Variants in XPNPEP1 observed in about 807,000 individuals in gnomAD.
XPNPEP1 encodes xaa-Pro aminopeptidase 1.
XPNPEP1 carries 39 observed loss-of-function variants against 92.4 expected under a neutral mutation model. That is an observed-to-expected ratio of 0.42 (90% confidence interval 0.33 to 0.55). The LOEUF is 0.55. Ranked by LOEUF, XPNPEP1 falls within the 20% of genes least tolerant of loss-of-function variation. XPNPEP1 has a pLI of 0.08. For synonymous variants in XPNPEP1, 307 were observed against 299.4 expected (o/e 1.03, Z -0.26); for missense variants, 654 against 856.1 (o/e 0.76, Z 2.95).
At position 109,923,425 on chromosome 10, in the gene XPNPEP1, G is replaced by A. The variant is rs1219329807; in HGVS notation, c.9C>T (p.Ala3=). The A allele has an allele frequency of 4.2e-6, 6 of 1,442,992 alleles. No homozygotes were observed. The highest frequency in any genetic ancestry group is 1.5e-5 in the African/African-American group (1 of 67,386). 89.4% of individuals were successfully genotyped at this position (1,442,992 alleles called of 1,614,324 possible). The part of the protein sequence containing the change: MA[A]SRKPPRVRVN... ...ACCTTACTCGCGGTGGCTTTCTGGAGGCTGCCATTCGGCGGTGACGTGCCC... is the reference window on the plus strand; with the variant it reads ...ACCTTACTCGCGGTGGCTTTCTGGAAGCTGCCATTCGGCGGTGACGTGCCC... The change falls in exon 1 of 21, where the codon GCC becomes GCT. Residue 3 remains alanine (A), a synonymous_variant. Transcript: ENST00000502935.
At chr10:109,865,460 T>G in intron 20 of XPNPEP1, 148 bp from the exon 21 acceptor site, 1 of 1,085,962 alleles carries the variant, frequency 9.2e-7, no homozygotes, top group South Asian at 1.5e-5. Flanking sequence ...CACAGGTAAG[T>G]ATTTTCCTTG....
chr10:109,904,171 T>C (rs745865739), intron 3 of XPNPEP1, among the ~76,000 whole-genome samples: 10 of 150,722 alleles, frequency 6.6e-5, no homozygotes, highest in Admixed American at 2.0e-4. Flanking sequence ...TATTTGTCTA[T>C]TCTAATGAAC....
chr10:109,918,855 GGAGGGAAGGAAGGAAGGAAGGAAGGAA>G (rs1850349131), intron 1 of XPNPEP1, among the ~76,000 whole-genome samples: 7 of 29,642 alleles, frequency 2.4e-4, no homozygotes, highest in Admixed American at 1.2e-3. Context: ...AAGGAAGGAA[GGAGGGAAGGAAGGAAGGAAGGAAGGAA>G]GGAAGGAAGG....
chr10:109,902,000 TTTTAC>T (rs1849311018), intron 3 of XPNPEP1, among the ~76,000 whole-genome samples: 2 of 152,256 alleles, frequency 1.3e-5, no homozygotes, highest in African/African-American at 2.4e-5. Flanking sequence ...TTCACTGCTC[TTTTAC>T]TTTAATGTGT....
chr10:109,913,461 C>G (rs1376932519), intron 2 of XPNPEP1, among the ~76,000 whole-genome samples: 1 of 152,216 alleles, frequency 6.6e-6, no homozygotes, highest in Non-Finnish European at 1.5e-5. Context: ...CTTCCAGCAT[C>G]AATAGCTTTA....
intron 1 of XPNPEP1, among the ~76,000 whole-genome samples, chr10:109,918,362 A>C (rs1850304113): frequency 6.6e-6 from 1 of 152,190 alleles, no homozygotes; most frequent in South Asian, 2.1e-4. Flanking sequence ...TTGAGGCAGC[A>C]GTGAGCTGTG....
rs1319371547 is a variant in XPNPEP1 at position 109,880,844 on chromosome 10, G to A, written c.1129C>T (p.His377Tyr). The A allele has an allele frequency of 3.1e-6, 5 of 1,613,712 alleles. No homozygotes were observed. Among genetic ancestry groups the A allele is most frequent in the African/African-American group, 2.7e-5 (2 of 74,868 alleles). Reference sequence around the variant, plus strand: ...TCTGCACCAGCTCCTCTACTCACGTGAGCCCGCCTCATGCCTTCTGACTCA... The same window carrying A: ...TCTGCACCAGCTCCTCTACTCACGTAAGCCCGCCTCATGCCTTCTGACTCA... ...SAESEGMRRAHIKDAVALCEL... is the reference protein window; with the variant it reads ...SAESEGMRRAYIKDAVALCEL... Residue 377 changes from histidine (H) to tyrosine (Y), a missense_variant and splice_region_variant, in exon 11 of 21, where the codon CAC (histidine) becomes TAC (tyrosine). Coordinates refer to ENST00000502935, the MANE Select transcript of XPNPEP1 (RefSeq NM_020383.4).
intron 2 of XPNPEP1, among the ~76,000 whole-genome samples, chr10:109,908,591 A>C (rs1445449156): frequency 1.3e-5 from 2 of 152,076 alleles, no homozygotes; most frequent in East Asian, 3.9e-4. Context: ...AAAGACCAAG[A>C]CTCCGTCTCA....
At chr10:109,917,158 CA>C (rs1215029068) in intron 1 of XPNPEP1, among the ~76,000 whole-genome samples, 1 of 151,898 alleles carries the variant, frequency 6.6e-6, no homozygotes, top group Non-Finnish European at 1.5e-5. Context: ...GAAAATGAAA[CA>C]AAAGGCATCC....
At position 109,882,624 on chromosome 10, in the gene XPNPEP1, G is replaced by T. The variant is rs1848168508; in HGVS notation, c.849C>A (p.Asp283Glu). The T allele has an allele frequency of 6.2e-7, 1 of 1,614,142 alleles. No individual in the cohort carries two copies. ...LETIMLFIDG[D>E]RIDAPSVKEH... Reference sequence around the variant, plus strand: ...CCTTCACACTGGGGGCGTCTATGCGGTCACCATCAATGAAGAGCCTGCAGA... The same window carrying T: ...CCTTCACACTGGGGGCGTCTATGCGTTCACCATCAATGAAGAGCCTGCAGA... The change falls in exon 10 of 21, where the codon GAC becomes GAA. Residue 283 changes from aspartate to glutamate, a missense_variant. Coordinates refer to ENST00000502935, the MANE Select transcript of XPNPEP1 (RefSeq NM_020383.4).
chr10:109,919,143 G>A (rs1356677105), intron 1 of XPNPEP1, among the ~76,000 whole-genome samples: 1 of 152,120 alleles, frequency 6.6e-6, no homozygotes, highest in Non-Finnish European at 1.5e-5. Context: ...AGATACACTG[G>A]ACTTCATCAG....
At chr10:109,868,988 G>A (rs1159977569) in intron 19 of XPNPEP1, among the ~76,000 whole-genome samples, 1 of 152,252 alleles carries the variant, frequency 6.6e-6, no homozygotes, top group Non-Finnish European at 1.5e-5. Context: ...AATGTCTACT[G>A]TGATAGGAAA....
intron 5 of XPNPEP1, among the ~76,000 whole-genome samples, chr10:109,889,600 T>G (rs1274940203): frequency 6.6e-6 from 1 of 152,264 alleles, no homozygotes; most frequent in African/African-American, 2.4e-5. Context: ...AAATTACTTC[T>G]ATAGTCCAGT....
intron 10 of XPNPEP1, 78 bp from the exon 11 acceptor site, chr10:109,881,009 A>G: frequency 2.9e-6 from 4 of 1,377,060 alleles, no homozygotes; most frequent in African/African-American, 1.4e-5. Flanking sequence ...CTTTTTGCTC[A>G]GCAAAACTTA....
intron 14 of XPNPEP1, chr10:109,876,448 A>T (rs998234396): frequency 6.6e-6 from 1 of 152,258 alleles, no homozygotes; most frequent in Non-Finnish European, 1.5e-5. Context: ...CACAATGAAG[A>T]AATGCCAACG....
chr10:109,866,003 G>C (rs1442409223), intron 20 of XPNPEP1, among the ~76,000 whole-genome samples: 3 of 152,190 alleles, frequency 2.0e-5, no homozygotes, highest in African/African-American at 7.2e-5. Flanking sequence ...GCAGGAAAAA[G>C]GGTGAACTCT....
In XPNPEP1 at chr10:109,870,153, C is replaced by T. The variant is rs985655938; in HGVS notation, c.1697-124G>A. ...AGAAGAAACGGGTGAAGAGCCCACT[C>T]TATCTGGTGTAAGAGCCTAGAGATG... On this transcript the variant is annotated intron_variant, in intron 18 of 20. Transcript: ENST00000502935. The T allele has an allele frequency of 5.7e-6, 6 of 1,059,554 alleles. No homozygotes were observed. The Middle Eastern group carries it at 6.7e-4, about 118-fold the overall frequency. 65.6% of individuals were successfully genotyped at this position (1,059,554 alleles called of 1,614,324 possible).
At chr10:109,908,383 T>C (rs539206342) in intron 2 of XPNPEP1, among the ~76,000 whole-genome samples, 1 of 152,102 alleles carries the variant, frequency 6.6e-6, no homozygotes, top group East Asian at 1.9e-4. Flanking sequence ...AGCAGGCAGA[T>C]CACAAGGTCG....
chr10:109,906,068 C>T (rs571566228), intron 3 of XPNPEP1, among the ~76,000 whole-genome samples: 1 of 152,298 alleles, frequency 6.6e-6, no homozygotes, highest in South Asian at 2.1e-4. Context: ...GGAAGTCAGC[C>T]AGCCAGAATG....
Sources: gnomAD v4.1 joint callset for allele counts (sites outside exome capture counted in the v4.1 genomes callset) on GRCh38, gnomAD v4.1.1 for gene constraint, MANE v1.5 for transcripts, NCBI Gene and HGNC (gene_info 2026-07-23, HGNC 2026-07-21) for gene names.